The following NSMCE2 variants were observed in gnomAD, a reference collection of about 807,000 sequenced individuals.
The protein encoded by NSMCE2 is NSE2 SUMO ligase component of SMC5/6 complex, also known as E3 SUMO-protein ligase NSE2.
Under a neutral mutation model 23.8 loss-of-function variants are expected in NSMCE2, and 24 were observed. The observed-to-expected ratio is 1.01, with a 90% CI of 0.73 to 1.42. NSMCE2 has a LOEUF of 1.42. Among genes scored for constraint, NSMCE2 ranks in the 40% most tolerant of loss-of-function variants. NSMCE2 has a pLI of 0.00. For missense variants in NSMCE2, 284 were observed against 296.5 expected (o/e 0.96, Z 0.31); for synonymous variants, 92 against 94.1 (o/e 0.98, Z 0.13).
intron 5 of NSMCE2, among the ~76,000 whole-genome samples, chr8:125,336,275 A>C (rs1284608280): frequency 1.3e-5 from 2 of 152,228 alleles, no homozygotes; most frequent in Non-Finnish European, 2.9e-5. Flanking sequence ...TTACTCAATT[A>C]AATTCAATTC....
Position 125,151,190 on chromosome 8 carries a change from T to C in NSMCE2, c.177T>C (p.Tyr59=), listed in dbSNP as rs1821004965. The change falls in exon 4 of 8, where the codon TAT becomes TAC. Residue 59 remains tyrosine, a synonymous_variant. Transcript: ENST00000287437. ...TTTCAGCTGAAGTGAGTAGTGAATA[T>C]AGTATGGACAAGGCAATGGTTGAAT... is the stretch of plus-strand genomic sequence containing the variant. ...VESQTEVSSE[Y]SMDKAMVEFA... The C allele has an allele frequency of 6.3e-7, 1 of 1,597,542 alleles. No individual in the cohort carries two copies.
intron 4 of NSMCE2, among the ~76,000 whole-genome samples, chr8:125,162,056 G>A (rs1455689496): frequency 6.6e-6 from 1 of 152,084 alleles, no homozygotes; most frequent in African/African-American, 2.4e-5. Flanking sequence ...CCCCTATATG[G>A]AACAGAAGCC....
intron 5 of NSMCE2, among the ~76,000 whole-genome samples, chr8:125,313,223 GAAA>G (rs766592033): frequency 6.7e-6 from 1 of 148,248 alleles, no homozygotes; most frequent in Non-Finnish European, 1.5e-5. Flanking sequence ...AGAAAAGAAA[GAAA>G]AAGAAGAAAG....
intron 3 of NSMCE2, among the ~76,000 whole-genome samples, chr8:125,125,274 C>G (rs1337378528): frequency 6.6e-6 from 1 of 152,174 alleles, no homozygotes; most frequent in Non-Finnish European, 1.5e-5. Context: ...CAGCATCTTT[C>G]AATATTAAGT....
At chr8:125,124,129 A>G (rs1022155427) in intron 3 of NSMCE2, 3 of 152,328 alleles carry the variant, frequency 2.0e-5, no homozygotes, top group African/African-American at 7.2e-5. Context: ...AGCATCTCAT[A>G]TAAATGGAGT....
intron 4 of NSMCE2, among the ~76,000 whole-genome samples, chr8:125,173,324 A>G (rs1047369774): frequency 1.3e-5 from 2 of 152,144 alleles, no homozygotes; most frequent in African/African-American, 4.8e-5. Context: ...AGGTGTGATG[A>G]GGGGGAGGAG....
At chr8:125,318,147 G>A (rs983764784) in intron 5 of NSMCE2, among the ~76,000 whole-genome samples, 12 of 152,188 alleles carry the variant, frequency 7.9e-5, no homozygotes, top group Non-Finnish European at 1.5e-4. Flanking sequence ...AGTGGCACAC[G>A]CCTGTAATCC....
intron 4 of NSMCE2, 34 bp downstream of exon 4, chr8:125,151,311 G>A (rs758367688): frequency 4.6e-6 from 5 of 1,091,400 alleles, no homozygotes; most frequent in Non-Finnish European, 4.2e-6. Context: ...TATATATTTG[G>A]TTACAACTCA....
chr8:125,303,737 T>G (rs1828652667), intron 5 of NSMCE2, among the ~76,000 whole-genome samples: 1 of 152,128 alleles, frequency 6.6e-6, no homozygotes, highest in African/African-American at 2.4e-5. Context: ...TACAGGTAAT[T>G]TTGTCCACCA....
intron 5 of NSMCE2, among the ~76,000 whole-genome samples, chr8:125,296,692 G>A (rs1228412519): frequency 6.6e-6 from 1 of 152,014 alleles, no homozygotes; most frequent in Non-Finnish European, 1.5e-5. Context: ...CACCGCACCC[G>A]GCCTGCTGTG....
intron 4 of NSMCE2, among the ~76,000 whole-genome samples, chr8:125,161,087 C>G (rs916409291): frequency 6.6e-6 from 1 of 152,136 alleles, no homozygotes; most frequent in Non-Finnish European, 1.5e-5. Context: ...GAGTTTGCAA[C>G]TGTGCTGGTA....
chr8:125,173,564 A>G (rs534002765), intron 4 of NSMCE2, among the ~76,000 whole-genome samples: 17 of 152,330 alleles, frequency 1.1e-4, no homozygotes, highest in African/African-American at 4.1e-4. Flanking sequence ...GCATCATACC[A>G]TCATTGTACT....
chr8:125,142,700 G>C (rs1820444836), intron 3 of NSMCE2, among the ~76,000 whole-genome samples: 1 of 152,020 alleles, frequency 6.6e-6, no homozygotes, highest in African/African-American at 2.4e-5. Context: ...CACCTCCCAG[G>C]TTCAAGAGAT....
chr8:125,200,968 G>C (rs112822669), intron 5 of NSMCE2, among the ~76,000 whole-genome samples: 3,221 of 152,224 alleles, frequency 0.021, 124 homozygotes, highest in African/African-American at 0.074. Flanking sequence ...ATCGGGTATT[G>C]AAGCTTGTGC....
At chr8:125,271,525 G>A (rs1231906044) in intron 5 of NSMCE2, among the ~76,000 whole-genome samples, 1 of 152,110 alleles carries the variant, frequency 6.6e-6, no homozygotes, top group African/African-American at 2.4e-5. Flanking sequence ...TGGTTATCTT[G>A]GACATGAAGG....
At chr8:125,322,542 G>A (rs2075972396) in intron 5 of NSMCE2, among the ~76,000 whole-genome samples, 1 of 152,166 alleles carries the variant, frequency 6.6e-6, no homozygotes, top group African/African-American at 2.4e-5. Context: ...AAAACTGAAA[G>A]CATATCCCCT....
chr8:125,283,160 T>A (rs191478627), intron 5 of NSMCE2, among the ~76,000 whole-genome samples: 337 of 152,334 alleles, frequency 2.2e-3, no homozygotes, highest in African/African-American at 7.7e-3. Context: ...TATATAAAGC[T>A]CTTAGCACAA....
intron 5 of NSMCE2, among the ~76,000 whole-genome samples, chr8:125,288,757 T>A (rs1441843602): frequency 6.6e-6 from 1 of 152,202 alleles, no homozygotes; most frequent in African/African-American, 2.4e-5. Context: ...GGAGTTTTTT[T>A]TAGGACAAGT....
chr8:125,210,563 G>A (rs1824285785), intron 5 of NSMCE2, among the ~76,000 whole-genome samples: 1 of 152,096 alleles, frequency 6.6e-6, no homozygotes, highest in Admixed American at 6.6e-5. Context: ...TTCAGCATCT[G>A]CACAATGTTA....
Sources: allele counts gnomAD v4.1 joint callset (sites outside exome capture counted in the v4.1 genomes callset), GRCh38; gene constraint gnomAD v4.1.1; transcripts MANE v1.5; gene names NCBI Gene and HGNC (gene_info 2026-07-23, HGNC 2026-07-21).